Variants in MBD5 observed in about 807,000 individuals in gnomAD.
MBD5 encodes methyl-CpG binding domain protein 5.
In MBD5, 13 loss-of-function variants were observed where a neutral mutation model predicts 117.3. The observed-to-expected ratio is 0.11, with a 90% CI of 0.07 to 0.18. MBD5 has a LOEUF of 0.18. Among genes scored for constraint, MBD5 ranks in the 10% least tolerant of loss-of-function variants. The pLI, the probability that MBD5 is intolerant of heterozygous loss-of-function variation, is 1.00. For synonymous variants in MBD5, 727 were observed against 766.4 expected, an observed-to-expected ratio of 0.95 and a Z score of 0.85; for missense variants, 1,879 against 2,093.8, an observed-to-expected ratio of 0.90 and a Z score of 2.00.
chr2:148,442,410 G>A lies in MBD5; in HGVS notation c.-556-15793G>A, dbSNP rs536432226. The stretch of plus-strand genomic sequence containing the variant: ...AAAACAAAAATTAGCAGGGATTTTT[G>A]TGTGTTATGATGACTGCTATATCCC... On this transcript the variant is annotated intron_variant, in intron 4 of 13. Transcript: ENST00000642680. 5.9e-5 allele frequency among the ~76,000 whole-genome samples: 9 copies of A among 151,412 alleles called. No homozygotes were observed. In the East Asian group the frequency reaches 1.5e-3, roughly 26 times the overall value.
intron 8 of MBD5, among the ~76,000 whole-genome samples, chr2:148,477,545 G>A (rs571525921): frequency 1.9e-4 from 29 of 151,956 alleles, no homozygotes; most frequent in Middle Eastern, 3.4e-3. Flanking sequence ...AGAAAATAAA[G>A]TCTCGTAGAA....
chr2:148,381,796 C>G (rs1255060114), intron 4 of MBD5, among the ~76,000 whole-genome samples: 1 of 152,102 alleles, frequency 6.6e-6, no homozygotes, highest in Non-Finnish European at 1.5e-5. Flanking sequence ...AGAGTGGGGG[C>G]CAATATTCAA....
rs182754935 is a variant in MBD5 at position 148,034,697 on chromosome 2, C to T, written c.-925+13013C>T. Among the ~76,000 whole-genome samples the T allele has an allele frequency of 3.9e-5, 6 of 152,256 alleles. No homozygotes were observed. The South Asian group carries it at 8.3e-4, about 21-fold the overall frequency. On this transcript the variant is annotated intron_variant, in intron 1 of 13. Coordinates refer to ENST00000642680, the MANE Select transcript of MBD5 (RefSeq NM_001378120.1). ...ATATTTCACTGCTTATAAACACCTA[C>T]CCAAAAATTTAACGTGAAGAATACA...
chr2:148,132,693 T>C (rs1033664877), intron 1 of MBD5, among the ~76,000 whole-genome samples: 8 of 152,200 alleles, frequency 5.3e-5, no homozygotes, highest in Non-Finnish European at 1.5e-5. Context: ...AGATTTCAGC[T>C]GTAATCAGTC....
intron 1 of MBD5, among the ~76,000 whole-genome samples, chr2:148,143,366 G>T (rs1446316672): frequency 6.6e-6 from 1 of 152,204 alleles, no homozygotes; most frequent in East Asian, 1.9e-4. Flanking sequence ...TCTGGAGACA[G>T]ACAGAGTAGA....
rs558375719 is a variant in MBD5 at position 148,182,509 on chromosome 2, G to A, written c.-831+3716G>A. Among the ~76,000 whole-genome samples, 33 of 152,102 alleles carry A rather than the reference G, an allele frequency of 2.2e-4. 1 individual carries two copies. The highest frequency in any genetic ancestry group is 1.2e-3 in the Admixed American group (18 of 15,250). On this transcript the variant is annotated intron_variant, in intron 2 of 13. Transcript: ENST00000642680. ...GCAGTGTAATTTTCTTATTTTCCTC[G>A]TTTGGTTTTATAATTAAGATTACAC...
At chr2:148,254,505 G>A (rs1401558686) in intron 3 of MBD5, among the ~76,000 whole-genome samples, 1 of 152,050 alleles carries the variant, frequency 6.6e-6, no homozygotes, top group Non-Finnish European at 1.5e-5. Context: ...AACCACCAGG[G>A]GGCTCATCAC....
intron 1 of MBD5, among the ~76,000 whole-genome samples, chr2:148,034,885 T>C (rs1481220407): frequency 6.6e-6 from 1 of 152,240 alleles, no homozygotes; most frequent in Admixed American, 6.5e-5. Flanking sequence ...CATTATACCC[T>C]TTTTATTAAT....
At chr2:148,098,316 G>T (rs1440345145) in intron 1 of MBD5, among the ~76,000 whole-genome samples, 1 of 152,170 alleles carries the variant, frequency 6.6e-6, no homozygotes, top group Admixed American at 6.6e-5. Flanking sequence ...GGCAGTAGCG[G>T]AAAGGGTTAC....
At position 148,049,604 on chromosome 2, in the gene MBD5, T is replaced by C. The variant is rs558943082; in HGVS notation, c.-925+27920T>C. 2.0e-5 allele frequency among the ~76,000 whole-genome samples: 3 copies of C among 152,258 alleles called. No individual in the cohort carries two copies. In the East Asian group the frequency reaches 5.8e-4, roughly 29 times the overall value. ...ATTTAAATCATTTTAGAGCATGCAA[T>C]TCCTTGGTTTTCAGCATATTCACAT... On this transcript the variant is annotated intron_variant, in intron 1 of 13. Transcript: ENST00000642680.
At chr2:148,309,728 C>T (rs1452721778) in intron 3 of MBD5, among the ~76,000 whole-genome samples, 1 of 152,152 alleles carries the variant, frequency 6.6e-6, no homozygotes, top group Non-Finnish European at 1.5e-5. Context: ...GCATGGTTCT[C>T]TTGTGCCAGT....
At chr2:148,441,891 G>A (rs1402230370) in intron 4 of MBD5, among the ~76,000 whole-genome samples, 1 of 152,120 alleles carries the variant, frequency 6.6e-6, no homozygotes, top group Non-Finnish European at 1.5e-5. Flanking sequence ...TCTTTTGGCT[G>A]CATAAATGTC....
chr2:148,229,936 G>T (rs938441263), intron 2 of MBD5, among the ~76,000 whole-genome samples: 1 of 152,164 alleles, frequency 6.6e-6, no homozygotes, highest in Non-Finnish European at 1.5e-5. Context: ...ATCTGGAGCT[G>T]GGAATATTGT....
intron 1 of MBD5, among the ~76,000 whole-genome samples, chr2:148,060,379 A>G (rs1695002232): frequency 7.0e-6 from 1 of 142,740 alleles, no homozygotes; most frequent in Non-Finnish European, 1.5e-5. Flanking sequence ...TATGTTTTGT[A>G]AAAAAAAAAA....
intron 3 of MBD5, among the ~76,000 whole-genome samples, chr2:148,236,731 C>T (rs554480960): frequency 3.3e-5 from 5 of 152,288 alleles, no homozygotes; most frequent in Non-Finnish European, 5.9e-5. Context: ...AAGTCACCAA[C>T]TGCATTAGTC....
At chr2:148,131,293 G>A (rs1316209924) in intron 1 of MBD5, among the ~76,000 whole-genome samples, 1 of 152,034 alleles carries the variant, frequency 6.6e-6, no homozygotes, top group African/African-American at 2.4e-5. Context: ...ACCTAGATAC[G>A]CTGTATGACA....
At chr2:148,099,144 A>C (rs1696142329) in intron 1 of MBD5, among the ~76,000 whole-genome samples, 1 of 152,208 alleles carries the variant, frequency 6.6e-6, no homozygotes. Flanking sequence ...GGTATTTCCA[A>C]GACAAAGAAA....
intron 7 of MBD5, among the ~76,000 whole-genome samples, chr2:148,466,180 A>G (rs1054931638): frequency 1.3e-5 from 2 of 152,226 alleles, no homozygotes; most frequent in African/African-American, 4.8e-5. Context: ...AGACTGACTT[A>G]GTAGTTTTTC....
At chr2:148,159,528 C>T (rs1445429413) in intron 1 of MBD5, among the ~76,000 whole-genome samples, 3 of 151,598 alleles carry the variant, frequency 2.0e-5, no homozygotes, top group Non-Finnish European at 2.9e-5. Context: ...TCAAGCGATC[C>T]ACCTGCCTTG....
Sources: gnomAD v4.1 joint callset for allele counts (sites outside exome capture counted in the v4.1 genomes callset) on GRCh38, gnomAD v4.1.1 for gene constraint, MANE v1.5 for transcripts, NCBI Gene and HGNC (gene_info 2026-07-23, HGNC 2026-07-21) for gene names.